Variants in LDB1 observed in about 807,000 individuals in gnomAD.
The protein encoded by LDB1 is LIM domain binding 1, also known as LIM domain-binding protein 1.
Under a neutral mutation model 49.7 loss-of-function variants are expected in LDB1, and 6 were observed. The observed-to-expected ratio is 0.12, with a 90% CI of 0.07 to 0.24. LDB1 has a LOEUF of 0.24. Ranked by LOEUF, LDB1 falls within the 10% of genes least tolerant of loss-of-function variation. LDB1 has a pLI of 1.00. For missense variants in LDB1, 341 were observed against 561.7 expected (o/e 0.61, Z 3.97); for synonymous variants, 233 against 202.0 (o/e 1.15, Z -1.30).
Position 102,109,378 on chromosome 10 carries a change from A to G in LDB1, c.856+6T>C, listed in dbSNP as rs562605239. ...ATCCTGGTAAGAGCAGGTGCAAGGCACTCACCAGGGGGTGCTACCATGCGC... is the reference window on the plus strand; with the variant it reads ...ATCCTGGTAAGAGCAGGTGCAAGGCGCTCACCAGGGGGTGCTACCATGCGC... On this transcript the variant is annotated splice_donor_region_variant and intron_variant, in intron 9 of 10. Transcript: ENST00000673968. This position sits in a 1 kb window ranked among gnomAD's most constrained non-coding sequence, Gnocchi z 5.8. The G allele has an allele frequency of 2.4e-5, 39 of 1,613,960 alleles. No individual in the cohort carries two copies. In the Admixed American group the frequency reaches 4.7e-4, roughly 19 times the overall value.
rs1310939800 is a variant in LDB1, at chr10:102,120,295, A to T, written c.-185T>A. The T allele has an allele frequency of 2.1e-5, 21 of 983,512 alleles. No individual in the cohort carries two copies. In the African/African-American group the frequency reaches 3.7e-4, roughly 17 times the overall value. 60.9% of individuals were successfully genotyped at this position (983,512 alleles called of 1,614,324 possible). A position where few individuals can be genotyped will look rare whatever the true frequency, so the allele number is the denominator to read the frequency against. On this transcript the variant is annotated 5_prime_UTR_variant, in exon 1 of 11. Coordinates refer to ENST00000673968, the MANE Select transcript of LDB1 (RefSeq NM_001113407.3). ...GAGGGGCCTGTCAGGCGCGGAGCAG[A>T]CAGGAAGGAAGCCAGGCAGGAAGGC...
intron 1 of LDB1, chr10:102,114,812 G>GGGGGGCCCCCCCCCCCCCCCCCC: frequency 3.2e-6 from 3 of 929,818 alleles, no homozygotes; most frequent in Non-Finnish European, 3.8e-6. Flanking sequence ...CCTCCGAGCA[G>GGGGGGCCCCCCCCCCCCCCCCCC]CCCGCCCGCC....
chr10:102,116,613 T>C (rs2068339289), intron 1 of LDB1, among the ~76,000 whole-genome samples: 1 of 152,166 alleles, frequency 6.6e-6, no homozygotes, highest in Non-Finnish European at 1.5e-5. Context: ...AAAACTGTGT[T>C]ATAACCCCTA....
At chr10:102,111,834 G>A (rs779295807) in intron 1 of LDB1, among the ~76,000 whole-genome samples, 7 of 152,158 alleles carry the variant, frequency 4.6e-5, no homozygotes, top group Non-Finnish European at 1.0e-4. Flanking sequence ...CTGGACAACA[G>A]AGTGAGACCC....
In LDB1 at chr10:102,109,368, G is replaced by A. The variant is rs1460919527; in HGVS notation, c.856+16C>T. ...GCGGTGTGAGATCCTGGTAAGAGCA[G>A]GTGCAAGGCACTCACCAGGGGGTGC... On this transcript the variant is annotated intron_variant, in intron 9 of 10. Transcript: ENST00000673968. The surrounding 1 kb of genome is among the most constrained non-coding windows in gnomAD (Gnocchi z 5.8). 18 of 1,613,678 alleles carry A rather than the reference G, an allele frequency of 1.1e-5. No individual in the cohort carries two copies. Among genetic ancestry groups the A allele is most frequent in the Non-Finnish European group, 1.5e-5 (18 of 1,179,984 alleles).
In LDB1 at chr10:102,109,722, T is replaced by C. The variant is rs371242716; in HGVS notation, c.649-39A>G. The C allele has an allele frequency of 6.2e-6, 10 of 1,602,784 alleles. No homozygotes were observed. The highest frequency in any genetic ancestry group is 1.7e-5 in the Admixed American group (1 of 59,958). On this transcript the variant is annotated intron_variant, in intron 7 of 10. Coordinates refer to ENST00000673968, the MANE Select transcript of LDB1 (RefSeq NM_001113407.3). This position sits in a 1 kb window ranked among gnomAD's most constrained non-coding sequence, Gnocchi z 5.8. ...AAAGACAAGAAAGAACACTGACACCTGGGTTGCCTCTGCTCACCTGCCCTA... is the reference window on the plus strand; with the variant it reads ...AAAGACAAGAAAGAACACTGACACCCGGGTTGCCTCTGCTCACCTGCCCTA...
chr10:102,111,617 A>G, intron 1 of LDB1, 81 bp from the exon 2 acceptor site: 1 of 756,604 alleles, frequency 1.3e-6, no homozygotes, highest in South Asian at 2.0e-5. Flanking sequence ...CAAGGCAAGA[A>G]GATTGATTGA....
At chr10:102,110,752 A>T in intron 5 of LDB1, 51 bp from the exon 6 acceptor site, 2 of 1,591,666 alleles carry the variant, frequency 1.3e-6, no homozygotes, top group Non-Finnish European at 1.7e-6. Context: ...AAAAGGGGCC[A>T]GGCAGATGCC....
At chr10:102,112,573 G>C (rs537560156) in intron 1 of LDB1, among the ~76,000 whole-genome samples, 1 of 152,014 alleles carries the variant, frequency 6.6e-6, no homozygotes, top group Non-Finnish European at 1.5e-5. Context: ...CCCCACTAAC[G>C]GCCACTCCCT....
At chr10:102,116,495 T>C (rs530156071) in intron 1 of LDB1, among the ~76,000 whole-genome samples, 30 of 152,212 alleles carry the variant, frequency 2.0e-4, no homozygotes, top group Admixed American at 1.8e-3. Context: ...ACCTGTGATA[T>C]ATCTCAAATC....
upstream of LDB1, chr10:102,120,514 T>C (rs1402236267): frequency 5.4e-6 from 2 of 371,464 alleles, no homozygotes; most frequent in Non-Finnish European, 7.5e-6. Context: ...GGCCGGGCTT[T>C]ATTAATATGC....
At chr10:102,102,450 C>G (rs913935017), downstream of LDB1, among the ~76,000 whole-genome samples, 2 of 152,122 alleles carry the variant, frequency 1.3e-5, no homozygotes, top group African/African-American at 4.8e-5. Flanking sequence ...CAGGGACTGG[C>G]CCTAGGTCCT....
chr10:102,120,718 G>T (rs887804009), upstream of LDB1, among the ~76,000 whole-genome samples: 4 of 152,314 alleles, frequency 2.6e-5, no homozygotes, highest in East Asian at 1.9e-4. Context: ...GGGCGAAGGG[G>T]AGGGCTTGGA....
At chr10:102,114,991 C>T (rs1001549549) in intron 1 of LDB1, 1 of 350,906 alleles carries the variant, frequency 2.8e-6, no homozygotes, top group African/African-American at 2.2e-5. Flanking sequence ...CTCTCCGAGC[C>T]TCTCTCAGAA....
At chr10:102,119,993 C>T in intron 1 of LDB1, 93 bp downstream of exon 1, 1 of 1,001,070 alleles carries the variant, frequency 1.0e-6, no homozygotes, top group East Asian at 3.3e-5. Context: ...ATGCCATCGA[C>T]GCCCCCCACA....
Position 102,111,554 on chromosome 10 carries a change from G to GA in LDB1, c.26-19dup, listed in dbSNP as rs1385235757. The GA allele has an allele frequency of 6.8e-6, 10 of 1,478,092 alleles. No individual in the cohort carries two copies. Among genetic ancestry groups the GA allele is most frequent in the Non-Finnish European group, 8.2e-6 (9 of 1,099,664 alleles). The allele number at this position is 1,478,092 out of a possible 1,614,324, so 91.6% of individuals were successfully genotyped here. A position where few individuals can be genotyped will look rare whatever the true frequency, so the allele number is the denominator to read the frequency against. The stretch of plus-strand genomic sequence containing the variant: ...GGAACAACCTAGACGAGAAAGAAAG[G>GA]AGTCATAGCTGGGCGCGGTGGCTCA... On this transcript the variant is annotated intron_variant, in intron 1 of 10. Transcript: ENST00000673968.
At chr10:102,108,976 C>A in intron 10 of LDB1, 53 bp downstream of exon 10, 1 of 1,612,448 alleles carries the variant, frequency 6.2e-7, no homozygotes, top group South Asian at 1.1e-5. Flanking sequence ...GGAAAGGGGT[C>A]AGGGGTGAGT....
chr10:102,119,611 C>A (rs540952715), intron 1 of LDB1, among the ~76,000 whole-genome samples: 2 of 151,910 alleles, frequency 1.3e-5, no homozygotes, highest in East Asian at 3.9e-4. Context: ...CAAGATGGGC[C>A]GCAATCAATA....
At chr10:102,114,266 GA>G (rs1392613852) in intron 1 of LDB1, 8 of 880,004 alleles carry the variant, frequency 9.1e-6, no homozygotes, top group Non-Finnish European at 8.2e-6. Flanking sequence ...TCCCTTTAGG[GA>G]CTGGCCACAG....
Sources: allele counts gnomAD v4.1 joint callset (sites outside exome capture counted in the v4.1 genomes callset), GRCh38; gene constraint gnomAD v4.1.1; non-coding constraint Gnocchi (gnomAD v3.1); transcripts MANE v1.5; gene names NCBI Gene and HGNC (gene_info 2026-07-23, HGNC 2026-07-21).